The following FABP6 variants were observed in gnomAD, a reference collection of about 807,000 sequenced individuals.
FABP6 encodes fatty acid binding protein 6, also known as gastrotropin.
A neutral mutation model predicts 14.9 loss-of-function variants in FABP6; 13 were observed. The observed-to-expected ratio is 0.87, with a 90% confidence interval of 0.57 to 1.39. The LOEUF (loss-of-function observed/expected upper bound fraction) is 1.39, where lower values mean the gene tolerates loss of function less well. Among genes scored for constraint, FABP6 ranks in the 40% most tolerant of loss-of-function variants. FABP6 has a pLI of 0.00. For synonymous variants in FABP6, 75 were observed against 63.6 expected, an observed-to-expected ratio of 1.18 and a Z score of -0.85; for missense variants, 161 against 167.2, an observed-to-expected ratio of 0.96 and a Z score of 0.20.
chr5:160,235,815 T>C (rs969274610), intron 3 of FABP6, among the ~76,000 whole-genome samples: 5 of 152,006 alleles, frequency 3.3e-5, no homozygotes, highest in African/African-American at 1.2e-4. Flanking sequence ...TGTGCCCACA[T>C]CTCAAGCCCT....
chr5:160,212,744 C>T (rs1413976267), intron 2 of FABP6, among the ~76,000 whole-genome samples: 2 of 152,162 alleles, frequency 1.3e-5, no homozygotes, highest in African/African-American at 4.8e-5. Context: ...GTTGGGATTA[C>T]AGGTGTGAGC....
upstream of FABP6, among the ~76,000 whole-genome samples, chr5:160,225,188 C>G (rs980891015): frequency 1.3e-5 from 2 of 151,816 alleles, no homozygotes; most frequent in African/African-American, 4.8e-5. Context: ...CATCCACCAC[C>G]TGGGTTCAGG....
In FABP6 at chr5:160,229,597, A is replaced by T. The variant is rs771345514; in HGVS notation, c.40A>T (p.Asn14Tyr). The T allele has an allele frequency of 6.2e-7, 1 of 1,613,910 alleles. No homozygotes were observed. The highest frequency in any genetic ancestry group is 8.5e-7 in the Non-Finnish European group (1 of 1,179,926). ...TGKFEMESEK[N>Y]YDEFMKLLGI... ...CAAGTTCGAGATGGAGAGTGAGAAG[A>T]ATTATGATGAGTTCATGAAGCTCCT... The change falls in exon 1 of 4, where the codon AAT (asparagine) becomes TAT (tyrosine). Residue 14 changes from asparagine (N) to tyrosine (Y), a missense_variant. By Grantham distance (143) the Asn-to-Tyr change is moderately radical. Transcript: ENST00000402432.
chr5:160,200,827 C>A (rs1055861898), intron 2 of FABP6, among the ~76,000 whole-genome samples: 7 of 141,858 alleles, frequency 4.9e-5, no homozygotes, highest in Non-Finnish European at 9.6e-5. Context: ...CTGGCCACAC[C>A]TAATCCTTCA....
chr5:160,238,564 G>A (rs1760569268), intron 3 of FABP6, 42 bp from the exon 4 acceptor site: 2 of 1,591,594 alleles, frequency 1.3e-6, no homozygotes, highest in African/African-American at 1.3e-5. Flanking sequence ...GGCTACCTTG[G>A]GGTGGGGCAC....
intron 1 of FABP6, among the ~76,000 whole-genome samples, chr5:160,193,890 C>T (rs920612985): frequency 3.3e-5 from 5 of 152,156 alleles, no homozygotes; most frequent in African/African-American, 4.8e-5. Context: ...ACGCGCCATG[C>T]GCTCGCACTC....
At chr5:160,227,525 CA>C (rs10645896), upstream of FABP6, among the ~76,000 whole-genome samples, 2,168 of 99,458 alleles carry the variant, frequency 0.022, 47 homozygotes, top group African/African-American at 0.071. Flanking sequence ...GACTTCACTT[CA>C]AAAAAAAAAA....
chr5:160,231,250 C>T (rs1283560287), intron 1 of FABP6, among the ~76,000 whole-genome samples: 1 of 152,128 alleles, frequency 6.6e-6, no homozygotes, highest in African/African-American at 2.4e-5. Flanking sequence ...ATAACAGCCT[C>T]GTGTTGTGGG....
chr5:160,229,770 C>G, intron 1 of FABP6, 146 bp downstream of exon 1: 1 of 618,378 alleles, frequency 1.6e-6, no homozygotes, highest in Non-Finnish European at 2.8e-6. Context: ...TGTTGAGCAA[C>G]TGCTTTCTCC....
chr5:160,202,373 A>T (rs1035779422), intron 2 of FABP6, among the ~76,000 whole-genome samples: 1 of 152,190 alleles, frequency 6.6e-6, no homozygotes. Context: ...ATACAAACAT[A>T]CAATACCCCA....
intron 1 of FABP6, among the ~76,000 whole-genome samples, chr5:160,192,977 G>A (rs1211707336): frequency 6.6e-6 from 1 of 152,208 alleles, no homozygotes; most frequent in Non-Finnish European, 1.5e-5. Context: ...CAGGCATGGT[G>A]GTGCACACCT....
At chr5:160,207,049 AT>A (rs370667009) in intron 2 of FABP6, among the ~76,000 whole-genome samples, 2 of 152,326 alleles carry the variant, frequency 1.3e-5, no homozygotes, top group East Asian at 1.9e-4. Context: ...ATGAAAGTCA[AT>A]TTTTTTCCCA....
At position 160,193,670 on chromosome 5, in the gene FABP6, C is replaced by G. The variant is rs372753236; in HGVS notation, c.-58-5379C>G. 7.9e-5 allele frequency among the ~76,000 whole-genome samples: 12 copies of G among 152,160 alleles called. No homozygotes were observed. The East Asian group carries it at 2.1e-3, about 27-fold the overall frequency. ...CCACCAGAGCAGCTAGATACAGTGTCGATTGGTGCACTCACAAACCCTGAG... is the reference window on the plus strand; with the variant it reads ...CCACCAGAGCAGCTAGATACAGTGTGGATTGGTGCACTCACAAACCCTGAG... On this transcript the variant is annotated intron_variant, in intron 1 of 6. Coordinates refer to the FABP6 transcript ENST00000393980.
chr5:160,236,370 C>T (rs962851607), intron 3 of FABP6, among the ~76,000 whole-genome samples: 2 of 152,120 alleles, frequency 1.3e-5, no homozygotes, highest in Non-Finnish European at 2.9e-5. Flanking sequence ...ACTCTCATAA[C>T]TTAATTACCC....
At chr5:160,205,366 A>G (rs13168681) in intron 2 of FABP6, among the ~76,000 whole-genome samples, 4 of 151,510 alleles carry the variant, frequency 2.6e-5, no homozygotes, top group Non-Finnish European at 5.9e-5. Flanking sequence ...CACACATTAC[A>G]TATTTGCATG....
chr5:160,199,585 C>T (rs1759588408), intron 2 of FABP6, among the ~76,000 whole-genome samples: 1 of 152,184 alleles, frequency 6.6e-6, no homozygotes, highest in African/African-American at 2.4e-5. Flanking sequence ...GCTCGGCTGT[C>T]TCCTACTGAG....
At chr5:160,220,605 A>T (rs1363272252) in intron 3 of FABP6, among the ~76,000 whole-genome samples, 4 of 151,606 alleles carry the variant, frequency 2.6e-5, no homozygotes, top group Non-Finnish European at 5.9e-5. Flanking sequence ...TAATAATAAT[A>T]ATAATTATTA....
intron 1 of FABP6, among the ~76,000 whole-genome samples, chr5:160,194,509 C>T (rs1759471197): frequency 6.6e-6 from 1 of 151,982 alleles, no homozygotes; most frequent in African/African-American, 2.4e-5. Context: ...CCATTGCACT[C>T]CAGCCTGGGC....
intron 1 of FABP6, among the ~76,000 whole-genome samples, chr5:160,194,751 G>C (rs1325648540): frequency 6.6e-6 from 1 of 151,902 alleles, no homozygotes; most frequent in Non-Finnish European, 1.5e-5. Flanking sequence ...GTCCCACCTT[G>C]ATGGCAGTCC....
Sources: allele counts gnomAD v4.1 joint callset (sites outside exome capture counted in the v4.1 genomes callset), GRCh38; gene constraint gnomAD v4.1.1; transcripts MANE v1.5; gene names NCBI Gene and HGNC (gene_info 2026-07-23, HGNC 2026-07-21).